The following FAM184B variants were observed in gnomAD, a reference collection of about 807,000 sequenced individuals.
FAM184B encodes family with sequence similarity 184 member B.
In FAM184B, 111 loss-of-function variants were observed where a neutral mutation model predicts 135.9. The ratio of observed to expected loss-of-function variants is 0.82; its 90% CI spans 0.70 to 0.96. The LOEUF (loss-of-function observed/expected upper bound fraction) is 0.96. Among genes scored for constraint, FAM184B ranks in the 40% least tolerant of loss-of-function variants. The pLI, the probability that FAM184B is intolerant of heterozygous loss-of-function variation, is 0.00. For synonymous variants in FAM184B, 552 were observed against 524.8 expected (o/e 1.05, Z -0.71); for missense variants, 1,375 against 1,323.9 (o/e 1.04, Z -0.60).
chr4:17,704,653 G>A (rs1203232903), intron 5 of FAM184B, among the ~76,000 whole-genome samples: 1 of 152,266 alleles, frequency 6.6e-6, no homozygotes, highest in South Asian at 2.1e-4. Flanking sequence ...ATGAATTTTT[G>A]GTTAATGGTA....
intron 11 of FAM184B, among the ~76,000 whole-genome samples, chr4:17,650,976 C>CA (rs1715600252): frequency 6.6e-6 from 1 of 152,098 alleles, no homozygotes; most frequent in Admixed American, 6.6e-5. Context: ...TCACGTGATC[C>CA]TCTCTCACCT....
chr4:17,764,746 G>A (rs1718620866), intron 1 of FAM184B, among the ~76,000 whole-genome samples: 1 of 147,706 alleles, frequency 6.8e-6, no homozygotes, highest in African/African-American at 2.7e-5. Flanking sequence ...GTAGTCTGCA[G>A]CATCACCTGG....
intron 5 of FAM184B, among the ~76,000 whole-genome samples, chr4:17,694,908 G>A (rs984547901): frequency 1.1e-4 from 16 of 152,166 alleles, no homozygotes; most frequent in African/African-American, 3.4e-4. Flanking sequence ...CCAGAGAAGT[G>A]CTCCAGAAAG....
At chr4:17,717,470 T>C (rs2108970406) in intron 1 of FAM184B, among the ~76,000 whole-genome samples, 1 of 152,158 alleles carries the variant, frequency 6.6e-6, no homozygotes, top group Non-Finnish European at 1.5e-5. Flanking sequence ...CTCACCACCT[T>C]CTAGACTGGA....
At chr4:17,644,204 T>C (rs549201809) in intron 12 of FAM184B, among the ~76,000 whole-genome samples, 18 of 152,302 alleles carry the variant, frequency 1.2e-4, no homozygotes, top group South Asian at 8.3e-4. Context: ...TGGAGCTTTC[T>C]CCAATGGGAA....
At chr4:17,636,500 T>C (rs1014975650) in intron 15 of FAM184B, 28 bp downstream of exon 15, 5 of 1,528,964 alleles carry the variant, frequency 3.3e-6, no homozygotes, top group Non-Finnish European at 4.4e-6. Flanking sequence ...GCCAGGTGCG[T>C]GGGTGAGGCG....
chr4:17,681,782 A>G (rs549390304), intron 7 of FAM184B, among the ~76,000 whole-genome samples: 96 of 152,222 alleles, frequency 6.3e-4, no homozygotes, highest in Non-Finnish European at 1.2e-3. Context: ...TCCCCATGGC[A>G]TCCCATTTCC....
At chr4:17,740,700 T>C (rs1382042416) in intron 1 of FAM184B, among the ~76,000 whole-genome samples, 1 of 152,188 alleles carries the variant, frequency 6.6e-6, no homozygotes, top group Non-Finnish European at 1.5e-5. Flanking sequence ...AGATGATTGA[T>C]TGGTTTTGGG....
chr4:17,658,266 T>C (rs551894087), intron 10 of FAM184B, 84 bp downstream of exon 10: 3 of 1,185,874 alleles, frequency 2.5e-6, no homozygotes, highest in East Asian at 2.6e-5. Flanking sequence ...TTGGATGTCA[T>C]GTAGAAAAGG....
chr4:17,638,700 A>AG (rs1317082943), intron 14 of FAM184B, among the ~76,000 whole-genome samples: 1 of 152,220 alleles, frequency 6.6e-6, no homozygotes, highest in East Asian at 1.9e-4. Flanking sequence ...CTAATTGAGC[A>AG]GCCCTGATCC....
At chr4:17,777,760 G>A (rs1718955758) in intron 1 of FAM184B, among the ~76,000 whole-genome samples, 1 of 152,104 alleles carries the variant, frequency 6.6e-6, no homozygotes, top group South Asian at 2.1e-4. Flanking sequence ...AAAAGATAAT[G>A]GAGGTAATGG....
chr4:17,683,526 G>A (rs1310909462), intron 7 of FAM184B, among the ~76,000 whole-genome samples: 1 of 152,140 alleles, frequency 6.6e-6, no homozygotes, highest in African/African-American at 2.4e-5. Context: ...TAAGAACCCA[G>A]GTGTCTGGTT....
rs1714864663 is a variant in FAM184B at position 17,629,557 on chromosome 4, C to T, written c.*2975G>A. On this transcript the variant is annotated 3_prime_UTR_variant, in exon 18 of 18. Transcript: ENST00000265018. ...GCTTTCATGTGGAACAGATAGTATTCCTTTCAGTTTTGCTGCAGGAACATA... is the reference window on the plus strand; with the variant it reads ...GCTTTCATGTGGAACAGATAGTATTTCTTTCAGTTTTGCTGCAGGAACATA... 1 of 152,176 alleles carries T rather than the reference C, an allele frequency of 6.6e-6. No homozygotes were observed. Among genetic ancestry groups the T allele is most frequent in the East Asian group, 1.9e-4 (1 of 5,192 alleles). 9.4% of individuals were successfully genotyped at this position (152,176 alleles called of 1,614,324 possible). A position where few individuals can be genotyped will look rare whatever the true frequency, so the allele number is the denominator to read the frequency against.
chr4:17,748,521 T>A (rs971446146), intron 1 of FAM184B, among the ~76,000 whole-genome samples: 2 of 147,220 alleles, frequency 1.4e-5, no homozygotes, highest in African/African-American at 5.1e-5. Flanking sequence ...TTTTTTTTTT[T>A]TTTTTTTTTT....
Position 17,693,339 on chromosome 4 carries a change from G to A in FAM184B, c.1451C>T (p.Ala484Val), listed in dbSNP as rs1437838670. The part of the protein sequence containing the change: ...KEIKQLEEEK[A>V]ALNVKLQNSL... ...ATTCTGAAGCTTCACATTGAGGGCT[G>A]CTTTCTCTTCTTCCAGCTGCTTTAT... The change falls in exon 6 of 18, where the codon GCA becomes GTA. Residue 484 changes from alanine (A) to valine (V), a missense_variant. Transcript: ENST00000265018. The A allele has an allele frequency of 1.6e-5, 25 of 1,551,538 alleles. No homozygotes were observed. The highest frequency in any genetic ancestry group is 2.0e-5 in the Non-Finnish European group (23 of 1,146,972).
intron 7 of FAM184B, among the ~76,000 whole-genome samples, chr4:17,666,802 G>T (rs921265862): frequency 6.6e-6 from 1 of 151,882 alleles, no homozygotes; most frequent in Non-Finnish European, 1.5e-5. Context: ...CAGGGGCTTT[G>T]CTCACCTGTT....
intron 1 of FAM184B, among the ~76,000 whole-genome samples, chr4:17,743,467 C>T: frequency 6.6e-6 from 1 of 152,130 alleles, no homozygotes; most frequent in East Asian, 1.9e-4. Context: ...TCAGGGAGAC[C>T]AGTGAGGAGA....
chr4:17,636,469 C>A lies in FAM184B; in HGVS notation c.2784+59G>T, dbSNP rs1041549754. ...GCTGGGTGCAAGTGAACGCCCCTCC[C>A]GGGGGAGCCCGCAGTGCCCGGCCAG... is the stretch of plus-strand genomic sequence containing the variant. On this transcript the variant is annotated intron_variant, in intron 15 of 17. Coordinates refer to ENST00000265018, the MANE Select transcript of FAM184B (RefSeq NM_015688.2). 4 of 1,342,440 alleles carry A rather than the reference C, an allele frequency of 3.0e-6. No individual in the cohort carries two copies. In the East Asian group the frequency reaches 7.5e-5, roughly 25 times the overall value. The allele number at this position is 1,342,440 out of a possible 1,614,324, so 83.2% of individuals were successfully genotyped here.
chr4:17,771,459 C>G (rs2108997692), intron 1 of FAM184B, among the ~76,000 whole-genome samples: 1 of 152,264 alleles, frequency 6.6e-6, no homozygotes, highest in Admixed American at 6.5e-5. Flanking sequence ...AATCACATCG[C>G]TAAATTAAAA....
Sources: allele counts gnomAD v4.1 joint callset (sites outside exome capture counted in the v4.1 genomes callset), GRCh38; gene constraint gnomAD v4.1.1; transcripts MANE v1.5; gene names NCBI Gene and HGNC (gene_info 2026-07-23, HGNC 2026-07-21).